ABCC9: variants seen among roughly 807,000 people sequenced by gnomAD.
ABCC9 encodes ATP binding cassette subfamily C member 9.
In ABCC9, 95 loss-of-function variants were observed where a neutral mutation model predicts 188.3. The ratio of observed to expected loss-of-function variants is 0.50; its 90% CI spans 0.43 to 0.60. ABCC9 has a LOEUF of 0.60. Among genes scored for constraint, ABCC9 ranks in the 20% least tolerant of loss-of-function variants. The pLI, the probability that ABCC9 is intolerant of heterozygous loss-of-function variation, is 0.00. For missense variants in ABCC9, 1,102 were observed against 1,876.3 expected (o/e 0.59, Z 7.62); for synonymous variants, 659 against 652.7 (o/e 1.01, Z -0.15).
At chr12:21,910,005 A>G (rs1022464394) in intron 10 of ABCC9, 152 bp downstream of exon 10, 1 of 741,690 alleles carries the variant, frequency 1.3e-6, no homozygotes, top group Non-Finnish European at 2.2e-6. Flanking sequence ...CCTATGCTAT[A>G]ACATTTCTGA....
At chr12:21,853,315 C>T (rs941042191) in intron 22 of ABCC9, among the ~76,000 whole-genome samples, 2 of 151,736 alleles carry the variant, frequency 1.3e-5, no homozygotes, top group African/African-American at 4.8e-5. Flanking sequence ...GGTGACAGAA[C>T]GAGACTCTGT....
In ABCC9 at chr12:21,800,724, T is replaced by C; in HGVS notation, c.*320A>G. 1 of 350,144 alleles carries C rather than the reference T, an allele frequency of 2.9e-6. No individual in the cohort carries two copies. The highest frequency in any genetic ancestry group is 5.4e-6 in the Non-Finnish European group (1 of 185,952). The allele number at this position is 350,144 out of a possible 1,614,324, so 21.7% of individuals were successfully genotyped here. A position where few individuals can be genotyped will look rare whatever the true frequency, so the allele number is the denominator to read the frequency against. On this transcript the variant is annotated 3_prime_UTR_variant, in exon 40 of 40. Coordinates refer to ENST00000261200, the MANE Select transcript of ABCC9 (RefSeq NM_020297.4). ...GACTACTCATTGACACTTCCATTCCTGAGAGATATTTACCAGACTTAAAGT... is the reference window on the plus strand; with the variant it reads ...GACTACTCATTGACACTTCCATTCCCGAGAGATATTTACCAGACTTAAAGT...
intron 18 of ABCC9, among the ~76,000 whole-genome samples, chr12:21,870,803 C>T (rs149919566): frequency 6.6e-6 from 1 of 152,004 alleles, no homozygotes; most frequent in East Asian, 1.9e-4. Context: ...TTAAATAAAA[C>T]AATACAAAAC....
chr12:21,830,351 A>G (rs921306049), intron 30 of ABCC9, among the ~76,000 whole-genome samples: 2 of 152,188 alleles, frequency 1.3e-5, no homozygotes, highest in East Asian at 1.9e-4. Context: ...GAAGGTAGGG[A>G]AAATACCAAA....
Position 21,906,152 on chromosome 12 carries a change from G to T in ABCC9, c.1592C>A (p.Thr531Asn). The T allele has an allele frequency of 6.2e-7, 1 of 1,613,118 alleles. No homozygotes were observed. Among genetic ancestry groups the T allele is most frequent in the Non-Finnish European group, 8.5e-7 (1 of 1,179,286 alleles). ...TRMKELSSLK[T>N]FALYTSLSIF... is the part of the protein sequence containing the mutation. ...GGAGAGTGATGTATATAGTGCAAAG[G>T]TTTTGAGACTAGATAGTTCTTTCAT... Residue 531 changes from threonine to asparagine, a missense_variant, in exon 12 of 40, where the codon ACC becomes AAC. Transcript: ENST00000261200.
chr12:21,807,829 A>G (rs1941962098), intron 37 of ABCC9, among the ~76,000 whole-genome samples: 1 of 152,240 alleles, frequency 6.6e-6, no homozygotes, highest in Admixed American at 6.5e-5. Context: ...TGGCTTGCCC[A>G]AAGTCACATT....
intron 31 of ABCC9, among the ~76,000 whole-genome samples, chr12:21,822,719 A>T (rs1250235226): frequency 6.9e-6 from 1 of 145,292 alleles, no homozygotes; most frequent in Non-Finnish European, 1.5e-5. Flanking sequence ...TGAACCCGGG[A>T]GGCAGAGGTT....
intron 39 of ABCC9, among the ~76,000 whole-genome samples, chr12:21,804,731 T>C (rs1404601316): frequency 6.6e-6 from 1 of 152,150 alleles, no homozygotes; most frequent in Non-Finnish European, 1.5e-5. Flanking sequence ...GTTTCTCCCA[T>C]GCATCATCCA....
At chr12:21,868,569 G>A (rs1945902732) in intron 18 of ABCC9, among the ~76,000 whole-genome samples, 1 of 152,122 alleles carries the variant, frequency 6.6e-6, no homozygotes, top group Non-Finnish European at 1.5e-5. Flanking sequence ...AACCCAGGAG[G>A]CCGAGCTTGC....
chr12:21,877,917 T>G (rs1946444411), intron 16 of ABCC9, among the ~76,000 whole-genome samples: 2 of 152,024 alleles, frequency 1.3e-5, no homozygotes, highest in Non-Finnish European at 1.5e-5. Flanking sequence ...TGGTTATAGA[T>G]GTGTAGAAGG....
intron 22 of ABCC9, among the ~76,000 whole-genome samples, chr12:21,854,419 A>G (rs529444776): frequency 6.6e-6 from 1 of 152,368 alleles, no homozygotes; most frequent in African/African-American, 2.4e-5. Context: ...GAGCCTTTAA[A>G]AAATCAGTCT....
At position 21,844,861 on chromosome 12, in the gene ABCC9, G is replaced by A; in HGVS notation, c.3151C>T (p.Leu1051Phe). Residue 1051 changes from leucine (L) to phenylalanine (F), a missense_variant, in exon 27 of 40, where the codon CTT becomes TTT. Transcript: ENST00000261200. ...CATTCTACAGTGAGGGATGTAACAAGGCAAAGGAAAATGCCTGCTCCACAG... is the reference window on the plus strand; with the variant it reads ...CATTCTACAGTGAGGGATGTAACAAAGCAAAGGAAAATGCCTGCTCCACAG... ...ILCGAGIFLC[L>F]VTSLTVEWMG... The A allele has an allele frequency of 6.2e-7, 1 of 1,613,924 alleles. No homozygotes were observed. The highest frequency in any genetic ancestry group is 8.5e-7 in the Non-Finnish European group (1 of 1,179,876).
intron 31 of ABCC9, chr12:21,827,056 A>G: frequency 1.1e-6 from 1 of 950,244 alleles, no homozygotes; most frequent in Non-Finnish European, 1.3e-6. Context: ...TTGCAGGTGG[A>G]ATTCAAGATA....
intron 30 of ABCC9, among the ~76,000 whole-genome samples, chr12:21,835,918 T>C (rs1944054563): frequency 6.6e-6 from 1 of 152,142 alleles, no homozygotes; most frequent in Non-Finnish European, 1.5e-5. Flanking sequence ...CCTTCTCCAA[T>C]CCTCCACATC....
chr12:21,842,249 C>A (rs1223949778), intron 29 of ABCC9, 65 bp downstream of exon 29: 8 of 1,553,538 alleles, frequency 5.1e-6, no homozygotes, highest in Non-Finnish European at 5.3e-6. Flanking sequence ...TTGGCAGAAC[C>A]CATGAATAGA....
rs376777519 is a variant in ABCC9 at position 21,926,522 on chromosome 12, G to C, written c.285-459C>G. Among the ~76,000 whole-genome samples, 3 of 152,158 alleles carry C rather than the reference G, an allele frequency of 2.0e-5. 1 individual carries two copies. Among genetic ancestry groups the C allele is most frequent in the African/African-American group, 7.2e-5 (3 of 41,502 alleles). On this transcript the variant is annotated intron_variant, in intron 4 of 39. Transcript: ENST00000261200. ...TCTGTGATTGCTGGTCCAGCTACTT[G>C]GATGCAACCATGAAGAAAACAAGAC...
At chr12:21,896,084 T>C (rs1179715525) in intron 12 of ABCC9, among the ~76,000 whole-genome samples, 4 of 78,388 alleles carry the variant, frequency 5.1e-5, no homozygotes, top group Admixed American at 1.4e-4. Flanking sequence ...ATTTTCTTTT[T>C]TTTTTTTTTT....
intron 15 of ABCC9, among the ~76,000 whole-genome samples, chr12:21,883,767 T>C (rs1296196865): frequency 2.0e-5 from 3 of 152,050 alleles, no homozygotes; most frequent in Non-Finnish European, 2.9e-5. Flanking sequence ...CATCAGGAGA[T>C]CCATAAGTCT....
At chr12:21,879,253 T>C (rs1349063324) in intron 16 of ABCC9, among the ~76,000 whole-genome samples, 1 of 152,140 alleles carries the variant, frequency 6.6e-6, no homozygotes, top group Non-Finnish European at 1.5e-5. Flanking sequence ...GGTTCTATAA[T>C]GATGGGGGTA....
Sources: gnomAD v4.1 joint callset for allele counts (sites outside exome capture counted in the v4.1 genomes callset) on GRCh38, gnomAD v4.1.1 for gene constraint, MANE v1.5 for transcripts, NCBI Gene and HGNC (gene_info 2026-07-23, HGNC 2026-07-21) for gene names.